Variants in NRXN1 observed in about 807,000 individuals in gnomAD.
The protein encoded by NRXN1 is neurexin 1.
In NRXN1, 39 loss-of-function variants were observed where a neutral mutation model predicts 150.9. The ratio of observed to expected loss-of-function variants is 0.26; its 90% CI spans 0.20 to 0.34. The LOEUF (loss-of-function observed/expected upper bound fraction) is 0.34, where lower values mean the gene tolerates loss of function less well. Among genes scored for constraint, NRXN1 ranks in the 10% least tolerant of loss-of-function variants. The pLI, the probability that NRXN1 is intolerant of heterozygous loss-of-function variation, is 1.00. For synonymous variants in NRXN1, 924 were observed against 757.0 expected (o/e 1.22, Z -3.62); for missense variants, 1,815 against 1,949.9 (o/e 0.93, Z 1.30).
intron 17 of NRXN1, among the ~76,000 whole-genome samples, chr2:50,416,745 A>G (rs2083566990): frequency 6.6e-6 from 1 of 151,824 alleles, no homozygotes; most frequent in African/African-American, 2.4e-5. Flanking sequence ...GCCCCTTATA[A>G]AACCATCAGA....
At chr2:50,113,021 A>C (rs2152726986) in intron 18 of NRXN1, among the ~76,000 whole-genome samples, 1 of 152,076 alleles carries the variant, frequency 6.6e-6, no homozygotes. Context: ...AAATATCCAA[A>C]CCCTACCTTC....
At chr2:50,426,554 A>T (rs1026032871) in intron 17 of NRXN1, among the ~76,000 whole-genome samples, 9 of 152,208 alleles carry the variant, frequency 5.9e-5, no homozygotes, top group African/African-American at 2.2e-4. Context: ...CATGTATTTG[A>T]GAGTGGAGAG....
At chr2:50,914,991 A>G (rs1685013924) in intron 5 of NRXN1, among the ~76,000 whole-genome samples, 1 of 151,632 alleles carries the variant, frequency 6.6e-6, no homozygotes, top group African/African-American at 2.4e-5. Context: ...AACAAAATAA[A>G]TGAGAATTTT....
intron 12 of NRXN1, among the ~76,000 whole-genome samples, chr2:50,518,649 A>ATT (rs67888475): frequency 1.4e-3 from 216 of 151,660 alleles, no homozygotes; most frequent in African/African-American, 4.9e-3. Context: ...TCACAAATGC[A>ATT]TTTTTTTAAA....
intron 21 of NRXN1, among the ~76,000 whole-genome samples, chr2:49,967,056 C>T (rs559002257): frequency 2.0e-5 from 3 of 152,080 alleles, no homozygotes; most frequent in Admixed American, 6.5e-5. Flanking sequence ...GGCAATTGAT[C>T]GAACCCAGTG....
chr2:50,516,567 G>T (rs1413966104), intron 12 of NRXN1, among the ~76,000 whole-genome samples: 1 of 152,122 alleles, frequency 6.6e-6, no homozygotes, highest in African/African-American at 2.4e-5. Context: ...TGCTGGCCAG[G>T]CCTGGTGCCA....
intron 12 of NRXN1, among the ~76,000 whole-genome samples, chr2:50,513,800 C>G (rs1160384486): frequency 6.6e-6 from 1 of 151,980 alleles, no homozygotes; most frequent in Non-Finnish European, 1.5e-5. Context: ...TGTAGCTGTA[C>G]AGAAACTTGA....
In NRXN1 at chr2:50,835,053, GAAT is replaced by G. The variant is rs566540343; in HGVS notation, c.832+86813_832+86815del. On this transcript the variant is annotated intron_variant, in intron 5 of 22. Transcript: ENST00000401669. ...TTTTCCTTAGACCTGTATTTTCTGAGAATAATATAGACAACCTCAGACAGCCCA... is the reference window on the plus strand; with the variant it reads ...TTTTCCTTAGACCTGTATTTTCTGAGAATATAGACAACCTCAGACAGCCCA... Among the ~76,000 whole-genome samples the G allele has an allele frequency of 5.3e-5, 8 of 152,224 alleles. 1 individual carries two copies. In the South Asian group the frequency reaches 1.7e-3, roughly 32 times the overall value.
chr2:49,956,799 A>G (rs1675041081), intron 21 of NRXN1, among the ~76,000 whole-genome samples: 1 of 152,154 alleles, frequency 6.6e-6, no homozygotes, highest in Non-Finnish European at 1.5e-5. Flanking sequence ...TTTTTGGTAC[A>G]AGGAAGGTGC....
intron 21 of NRXN1, among the ~76,000 whole-genome samples, chr2:50,033,930 C>G (rs1047342127): frequency 1.3e-5 from 2 of 150,866 alleles, no homozygotes; most frequent in Non-Finnish European, 3.0e-5. Flanking sequence ...CAATGAGATA[C>G]CATCTCACAC....
chr2:50,050,333 A>G (rs1316767594), intron 21 of NRXN1, among the ~76,000 whole-genome samples: 2 of 152,116 alleles, frequency 1.3e-5, no homozygotes, highest in Non-Finnish European at 2.9e-5. Flanking sequence ...CATCTCATCT[A>G]TTTGAAATGA....
intron 17 of NRXN1, among the ~76,000 whole-genome samples, chr2:50,315,634 T>A (rs142958089): frequency 2.9e-4 from 44 of 152,264 alleles, no homozygotes; most frequent in Admixed American, 8.5e-4. Flanking sequence ...AGCATCTACT[T>A]GTAAGCTCAT....
At chr2:50,545,735 G>C (rs2093479282) in intron 9 of NRXN1, among the ~76,000 whole-genome samples, 1 of 152,038 alleles carries the variant, frequency 6.6e-6, no homozygotes, top group African/African-American at 2.4e-5. Flanking sequence ...ACTTGTTACA[G>C]GAATGTGAAT....
intron 5 of NRXN1, among the ~76,000 whole-genome samples, chr2:50,840,578 C>A (rs776220001): frequency 6.6e-6 from 1 of 152,110 alleles, no homozygotes; most frequent in South Asian, 2.1e-4. Flanking sequence ...ACTTACTATG[C>A]CCCTCAACAG....
At chr2:50,959,381 G>A (rs1692784812) in intron 2 of NRXN1, among the ~76,000 whole-genome samples, 1 of 151,952 alleles carries the variant, frequency 6.6e-6, no homozygotes, top group African/African-American at 2.4e-5. Flanking sequence ...ATGAATGAAT[G>A]AATAAAATAT....
At chr2:50,780,913 C>A (rs562747191) in intron 5 of NRXN1, among the ~76,000 whole-genome samples, 8 of 152,274 alleles carry the variant, frequency 5.3e-5, no homozygotes, top group African/African-American at 1.9e-4. Flanking sequence ...CACTAGGACA[C>A]ATTCTTAGGT....
rs1282460988 is a variant in NRXN1, at chr2:50,497,676, T to C, written c.2536A>G (p.Asn846Asp). The change falls in exon 14 of 23, where the codon AAC becomes GAC. Residue 846 changes from asparagine to aspartate, a missense_variant. This residue lies in a region of NRXN1 where 638 missense variants were observed against 652.6 expected (regional missense o/e 0.98). Coordinates refer to ENST00000401669, the MANE Select transcript of NRXN1 (RefSeq NM_001330078.2). ...TCTGTGATGATGCCAGTCTCTATGTTATGGAACTCCAGCCTAGTATGATCA... is the reference window on the plus strand; with the variant it reads ...TCTGTGATGATGCCAGTCTCTATGTCATGGAACTCCAGCCTAGTATGATCA... ...AGDHTRLEFH[N>D]IETGIITERR... 1.2e-6 allele frequency: 2 copies of C among 1,613,606 alleles called. No individual in the cohort carries two copies. Among genetic ancestry groups the C allele is most frequent in the Non-Finnish European group, 1.7e-6 (2 of 1,179,708 alleles).
intron 5 of NRXN1, among the ~76,000 whole-genome samples, chr2:50,761,386 G>A (rs1189475659): frequency 6.6e-6 from 1 of 151,778 alleles, no homozygotes; most frequent in Non-Finnish European, 1.5e-5. Context: ...TAGGGAATAA[G>A]TCTCATGAGA....
At chr2:50,330,665 AT>A (rs1277729807) in intron 17 of NRXN1, among the ~76,000 whole-genome samples, 1 of 152,242 alleles carries the variant, frequency 6.6e-6, no homozygotes, top group Non-Finnish European at 1.5e-5. Flanking sequence ...GTGCAAGAAA[AT>A]TTTAATGAAT....
Sources: gnomAD v4.1 joint callset for allele counts (sites outside exome capture counted in the v4.1 genomes callset) on GRCh38, gnomAD v4.1.1 for gene constraint, gnomAD v4.1.1 regional missense constraint, MANE v1.5 for transcripts, NCBI Gene and HGNC (gene_info 2026-07-23, HGNC 2026-07-21) for gene names.